The following SLC30A6 variants were observed in gnomAD, a reference collection of about 807,000 sequenced individuals.
SLC30A6 encodes zinc transporter 6.
SLC30A6 carries 55 observed loss-of-function variants against 63.0 expected under a neutral mutation model. The observed-to-expected ratio is 0.87, with a 90% CI of 0.70 to 1.09. SLC30A6 has a LOEUF of 1.09. SLC30A6 is among the 50% of genes least tolerant of loss of function. The probability of loss-of-function intolerance (pLI) is 0.00; values close to 1 mark genes in which losing one functional copy is unlikely to be tolerated. For missense variants in SLC30A6, 587 were observed against 549.2 expected (o/e 1.07, Z -0.69); for synonymous variants, 224 against 186.1 (o/e 1.20, Z -1.66).
chr2:32,216,797 G>C (rs1221764665), intron 13 of SLC30A6, among the ~76,000 whole-genome samples: 1 of 151,634 alleles, frequency 6.6e-6, no homozygotes, highest in Non-Finnish European at 1.5e-5. Flanking sequence ...TATAGATTCT[G>C]ATATCAGATC....
intron 10 of SLC30A6, among the ~76,000 whole-genome samples, chr2:32,200,208 T>G (rs1445187292): frequency 6.6e-6 from 1 of 152,128 alleles, no homozygotes; most frequent in African/African-American, 2.4e-5. Flanking sequence ...CATCATTTCT[T>G]TGGCCTAATT....
At chr2:32,204,026 G>A (rs1163102438) in intron 10 of SLC30A6, 1 of 657,598 alleles carries the variant, frequency 1.5e-6, no homozygotes. Context: ...CTACCAGTAT[G>A]AGGTTGCCTA....
intron 10 of SLC30A6, chr2:32,203,840 G>C: frequency 7.2e-7 from 1 of 1,381,288 alleles, no homozygotes; most frequent in African/African-American, 1.4e-5. Flanking sequence ...CAGAGGAGTG[G>C]TTGGTCAAGT....
At chr2:32,206,323 G>A (rs1166312114) in intron 11 of SLC30A6, among the ~76,000 whole-genome samples, 1 of 152,038 alleles carries the variant, frequency 6.6e-6, no homozygotes, top group Non-Finnish European at 1.5e-5. Context: ...GCGAGTGCCT[G>A]TAGTCCCAGC....
intron 3 of SLC30A6, 147 bp from the exon 4 acceptor site, chr2:32,175,172 C>T: frequency 1.5e-6 from 1 of 658,282 alleles, no homozygotes; most frequent in Non-Finnish European, 2.6e-6. Flanking sequence ...ATCAGATTTA[C>T]TAGATAACTG....
chr2:32,199,464 C>T (rs1684078126), intron 10 of SLC30A6, among the ~76,000 whole-genome samples: 1 of 151,990 alleles, frequency 6.6e-6, no homozygotes, highest in African/African-American at 2.4e-5. Context: ...TTATGGGGTA[C>T]ATGAGATATT....
At chr2:32,217,361 A>C (rs1685798747) in intron 13 of SLC30A6, among the ~76,000 whole-genome samples, 2 of 152,182 alleles carry the variant, frequency 1.3e-5, no homozygotes, top group African/African-American at 4.8e-5. Context: ...TGACTTTGTC[A>C]AAGATCAGAT....
Position 32,174,039 on chromosome 2 carries a change from TAA to T in SLC30A6, c.91-23_91-22del, listed in dbSNP as rs766983739. The T allele has an allele frequency of 2.5e-6, 4 of 1,584,090 alleles. No individual in the cohort carries two copies. In the South Asian group the frequency reaches 3.4e-5, roughly 13 times the overall value. ...GTGAAATTTATCACTTCTGTACACATAAGAGTGATTTTTATTTTCACAGTCCT... is the reference window on the plus strand; with the variant it reads ...GTGAAATTTATCACTTCTGTACACATGAGTGATTTTTATTTTCACAGTCCT... On this transcript the variant is annotated intron_variant, in intron 2 of 13. Transcript: ENST00000282587.
At chr2:32,211,285 C>T (rs776246778) in intron 13 of SLC30A6, among the ~76,000 whole-genome samples, 4 of 152,136 alleles carry the variant, frequency 2.6e-5, no homozygotes, top group South Asian at 2.1e-4. Context: ...TAGAAGGGGC[C>T]GTTGGGAACA....
At chr2:32,170,680 A>G (rs1310249049) in intron 1 of SLC30A6, among the ~76,000 whole-genome samples, 2 of 151,812 alleles carry the variant, frequency 1.3e-5, no homozygotes, top group Non-Finnish European at 2.9e-5. Flanking sequence ...CTCACTGCAA[A>G]CTCCACCTCC....
chr2:32,206,858 A>G (rs1398567959), intron 11 of SLC30A6, 28 bp from the exon 12 acceptor site: 4 of 1,593,170 alleles, frequency 2.5e-6, no homozygotes, highest in Non-Finnish European at 2.6e-6. Context: ...TTCCCCCATT[A>G]TTCATATTTT....
In SLC30A6 at chr2:32,204,624, G is replaced by A. The variant is rs779373186; in HGVS notation, c.700G>A (p.Ala234Thr). 5 of 1,612,116 alleles carry A rather than the reference G, an allele frequency of 3.1e-6. No individual in the cohort carries two copies. In the South Asian group the frequency reaches 5.5e-5, roughly 18 times the overall value. ...YFAVDTASAI[A>T]IALMTFGTMY... Reference sequence around the variant, plus strand: ...TGCCGTAGACACTGCCTCTGCTATAGCTATTGCCTTGATGACATTTGGCAC... The same window carrying A: ...TGCCGTAGACACTGCCTCTGCTATAACTATTGCCTTGATGACATTTGGCAC... Residue 234 changes from alanine (A) to threonine (T), a missense_variant, in exon 11 of 14, where the codon GCT becomes ACT. By Grantham distance (58) the Ala-to-Thr change is moderately conservative. Coordinates refer to ENST00000282587, the MANE Select transcript of SLC30A6 (RefSeq NM_017964.5).
intron 4 of SLC30A6, among the ~76,000 whole-genome samples, chr2:32,178,105 G>A (rs1266583949): frequency 3.3e-5 from 5 of 151,600 alleles, no homozygotes; most frequent in Admixed American, 1.3e-4. Flanking sequence ...CCGCCACCAC[G>A]CTTGGCTAAT....
chr2:32,208,733 C>G (rs1039497067), intron 12 of SLC30A6, among the ~76,000 whole-genome samples: 8 of 151,976 alleles, frequency 5.3e-5, no homozygotes, highest in African/African-American at 1.9e-4. Flanking sequence ...TGGCTGGACT[C>G]GAACTCCTGG....
At chr2:32,194,068 C>G in intron 8 of SLC30A6, 85 bp downstream of exon 8, 1 of 1,077,526 alleles carries the variant, frequency 9.3e-7, no homozygotes, top group Admixed American at 2.2e-5. Context: ...TCACTCAGAT[C>G]AATGAAGAAG....
At position 32,192,371 on chromosome 2, in the gene SLC30A6, C is replaced by T; in HGVS notation, c.320C>T (p.Ser107Phe). Residue 107 changes from serine (S) to phenylalanine (F), a missense_variant, in exon 6 of 14, where the codon TCC (serine) becomes TTC (phenylalanine). Physicochemically the swap from Ser to Phe is radical, Grantham distance 155. Coordinates refer to ENST00000282587, the MANE Select transcript of SLC30A6 (RefSeq NM_017964.5). The part of the protein sequence containing the change: ...ERLEVLAVFA[S>F]TVLAQLGALF... ...TTAGAAGTCCTGGCTGTATTTGCCTCCACAGTCTTGGCACAGTTGGGAGCT... is the reference window on the plus strand; with the variant it reads ...TTAGAAGTCCTGGCTGTATTTGCCTTCACAGTCTTGGCACAGTTGGGAGCT... 1 of 1,614,022 alleles carries T rather than the reference C, an allele frequency of 6.2e-7. No homozygotes were observed. The highest frequency in any genetic ancestry group is 1.1e-5 in the South Asian group (1 of 91,086).
chr2:32,166,237 A>G (rs1394844648), intron 1 of SLC30A6, among the ~76,000 whole-genome samples: 1 of 152,170 alleles, frequency 6.6e-6, no homozygotes, highest in Non-Finnish European at 1.5e-5. Context: ...CCAACAAAAG[A>G]TCTGAAAACA....
chr2:32,210,211 C>T (rs928491174), intron 13 of SLC30A6, among the ~76,000 whole-genome samples: 3 of 152,022 alleles, frequency 2.0e-5, no homozygotes, highest in Admixed American at 2.0e-4. Flanking sequence ...ATTTATTTTC[C>T]TTAGAAAATG....
chr2:32,185,355 CA>C (rs35740497), intron 5 of SLC30A6, among the ~76,000 whole-genome samples: 2,439 of 112,084 alleles, frequency 0.022, 26 homozygotes, highest in African/African-American at 0.03. Context: ...GACCCTGTCT[CA>C]AAAAAAAAAA....
Sources: allele counts gnomAD v4.1 joint callset (sites outside exome capture counted in the v4.1 genomes callset), GRCh38; gene constraint gnomAD v4.1.1; transcripts MANE v1.5; gene names NCBI Gene and HGNC (gene_info 2026-07-23, HGNC 2026-07-21).